UBE2L3: variants seen among roughly 807,000 people sequenced by gnomAD.
The protein encoded by UBE2L3 is ubiquitin conjugating enzyme E2 L3.
UBE2L3 carries 1 observed loss-of-function variant against 17.8 expected under a neutral mutation model. The ratio of observed to expected loss-of-function variants is 0.06; its 90% CI spans 0.02 to 0.27. The LOEUF (loss-of-function observed/expected upper bound fraction) is 0.27, where lower values mean the gene tolerates loss of function less well. UBE2L3 is among the 10% of genes least tolerant of loss of function. UBE2L3 has a pLI of 1.00. For synonymous variants in UBE2L3, 44 were observed against 68.5 expected, an observed-to-expected ratio of 0.64 and a Z score of 1.76; for missense variants, 40 against 192.6, an observed-to-expected ratio of 0.21 and a Z score of 4.69.
chr22:21,588,235 C>G (rs181894677), intron 1 of UBE2L3, among the ~76,000 whole-genome samples: 117 of 152,218 alleles, frequency 7.7e-4, no homozygotes, highest in African/African-American at 2.8e-3. Context: ...TTTATCAGGT[C>G]CTTTCTTCTG....
rs1379577627 is a variant in UBE2L3 at position 21,562,445 on chromosome 22, C to G, written c.201+12795C>G. On this transcript the variant is annotated intron_variant, in intron 1 of 3. Transcript: ENST00000458578. ...GGAGTGCAGTGGCACAATCTCCGCT[C>G]ACTGCAAACTCCGCCTCCCGGGTTC... is the stretch of plus-strand genomic sequence containing the variant. Among the ~76,000 whole-genome samples the G allele has an allele frequency of 5.3e-5, 8 of 151,368 alleles. No individual in the cohort carries two copies. In the South Asian group the frequency reaches 1.7e-3, roughly 31 times the overall value.
intron 2 of UBE2L3, among the ~76,000 whole-genome samples, chr22:21,606,865 C>T (rs915488629): frequency 6.6e-6 from 1 of 152,128 alleles, no homozygotes; most frequent in Non-Finnish European, 1.5e-5. Context: ...GTGGTTTCAG[C>T]TGCTCGGTGG....
chr22:21,559,119 G>T (rs1239687277), intron 1 of UBE2L3, among the ~76,000 whole-genome samples: 1 of 151,748 alleles, frequency 6.6e-6, no homozygotes, highest in African/African-American at 2.4e-5. Flanking sequence ...GGCCAAGGTG[G>T]GTGGATCACT....
chr22:21,590,140 A>G (rs191194180), intron 1 of UBE2L3, among the ~76,000 whole-genome samples: 1 of 152,246 alleles, frequency 6.6e-6, no homozygotes, highest in East Asian at 1.9e-4. Context: ...CCATCTTGCC[A>G]TATTTTTATA....
At chr22:21,603,791 T>A (rs1170810677) in intron 2 of UBE2L3, among the ~76,000 whole-genome samples, 1 of 148,762 alleles carries the variant, frequency 6.7e-6, no homozygotes, top group Non-Finnish European at 1.5e-5. Flanking sequence ...GAGCCGAGAT[T>A]GCGCCACTGC....
intron 1 of UBE2L3, among the ~76,000 whole-genome samples, chr22:21,570,560 T>C (rs1926908374): frequency 6.6e-6 from 1 of 152,194 alleles, no homozygotes; most frequent in African/African-American, 2.4e-5. Context: ...CCATGCCTCT[T>C]GTCAGGCTGT....
chr22:21,587,885 C>A (rs1313747410), intron 1 of UBE2L3, among the ~76,000 whole-genome samples: 11 of 152,252 alleles, frequency 7.2e-5, no homozygotes, highest in Middle Eastern at 3.4e-3. Flanking sequence ...TGGGTGGCAC[C>A]CCTGGGCTTT....
chr22:21,577,114 G>T (rs921941653), intron 1 of UBE2L3, among the ~76,000 whole-genome samples: 2 of 151,944 alleles, frequency 1.3e-5, no homozygotes, highest in Non-Finnish European at 2.9e-5. Context: ...GACTACAGGC[G>T]CTCGCCACTA....
intron 2 of UBE2L3, among the ~76,000 whole-genome samples, chr22:21,596,521 C>T (rs1428076980): frequency 6.6e-6 from 1 of 152,104 alleles, no homozygotes; most frequent in African/African-American, 2.4e-5. Context: ...CAGGTGTGCA[C>T]CACCATGCCC....
intron 1 of UBE2L3, chr22:21,568,106 G>A: frequency 8.9e-7 from 1 of 1,118,648 alleles, no homozygotes; most frequent in Non-Finnish European, 1.1e-6. Flanking sequence ...AGCCCGGTTG[G>A]GAGGCTCCAA....
upstream of UBE2L3, among the ~76,000 whole-genome samples, chr22:21,565,754 CAAAAAA>C (rs131662): frequency 1.8e-3 from 56 of 30,282 alleles, no homozygotes; most frequent in South Asian, 4.3e-3. Flanking sequence ...AACTGTGTCT[CAAAAAA>C]AAAAAAAAAA....
chr22:21,592,699 G>C (rs1422174058), intron 1 of UBE2L3, among the ~76,000 whole-genome samples, 162 bp from the exon 2 acceptor site: 1 of 152,214 alleles, frequency 6.6e-6, no homozygotes, highest in Non-Finnish European at 1.5e-5. Flanking sequence ...CGCCATGGCA[G>C]CTCCATGCCT....
chr22:21,572,390 G>C (rs1601395706), intron 1 of UBE2L3, among the ~76,000 whole-genome samples: 1 of 132,126 alleles, frequency 7.6e-6, no homozygotes, highest in East Asian at 2.4e-4. Flanking sequence ...AGCCAAGATT[G>C]TGTCATTGCA....
chr22:21,617,144 T>TAA (rs552706292), intron 3 of UBE2L3, among the ~76,000 whole-genome samples: 19 of 110,674 alleles, frequency 1.7e-4, no homozygotes, highest in East Asian at 1.2e-3. Context: ...AACTCTGTCT[T>TAA]AAAAAAAAAA....
intron 1 of UBE2L3, among the ~76,000 whole-genome samples, chr22:21,574,850 A>C (rs1473150452): frequency 5.3e-5 from 8 of 152,122 alleles, no homozygotes; most frequent in Admixed American, 5.2e-4. Context: ...CTGTAATCCC[A>C]GCTACTAGGG....
At chr22:21,577,362 C>T (rs1927372705) in intron 1 of UBE2L3, among the ~76,000 whole-genome samples, 1 of 152,194 alleles carries the variant, frequency 6.6e-6, no homozygotes, top group Non-Finnish European at 1.5e-5. Flanking sequence ...GCCTCAGCCT[C>T]CCAAATAGCT....
intron 2 of UBE2L3, among the ~76,000 whole-genome samples, chr22:21,606,544 T>A (rs1418371120): frequency 6.6e-6 from 1 of 152,174 alleles, no homozygotes; most frequent in East Asian, 1.9e-4. Context: ...ACCACCACCA[T>A]TTAATTCTCC....
At position 21,612,736 on chromosome 22, in the gene UBE2L3, C is replaced by A. The variant is rs375519804; in HGVS notation, c.310+1693C>A. Among the ~76,000 whole-genome samples the A allele has an allele frequency of 2.7e-5, 4 of 147,148 alleles. 1 individual carries two copies. The highest frequency in any genetic ancestry group is 1.4e-4 in the Admixed American group (2 of 14,432). ...CCAGATCACTGTAACCTCCGCCTCCCGGGTTCAAGCAATTCTCCTGCCTCA... is the reference window on the plus strand; with the variant it reads ...CCAGATCACTGTAACCTCCGCCTCCAGGGTTCAAGCAATTCTCCTGCCTCA... On this transcript the variant is annotated intron_variant, in intron 3 of 3. Coordinates refer to ENST00000342192, the MANE Select transcript of UBE2L3 (RefSeq NM_003347.4).
chr22:21,592,994 C>T (rs1199128809), intron 2 of UBE2L3, 38 bp downstream of exon 2: 2 of 1,571,452 alleles, frequency 1.3e-6, no homozygotes, highest in Non-Finnish European at 1.8e-6. Flanking sequence ...CCAGATTATT[C>T]TTTAAGGTGA....
Sources: gnomAD v4.1 joint callset for allele counts (sites outside exome capture counted in the v4.1 genomes callset) on GRCh38, gnomAD v4.1.1 for gene constraint, MANE v1.5 for transcripts, NCBI Gene and HGNC (gene_info 2026-07-23, HGNC 2026-07-21) for gene names.